The following SLIT1 variants were observed in gnomAD, a reference collection of about 807,000 sequenced individuals.
The protein encoded by SLIT1 is slit guidance ligand 1, also known as slit homolog 1 protein.
Under a neutral mutation model 186.1 loss-of-function variants are expected in SLIT1, and 66 were observed. The ratio of observed to expected loss-of-function variants is 0.35; its 90% confidence interval spans 0.29 to 0.44. The LOEUF (loss-of-function observed/expected upper bound fraction) is 0.44, where lower values mean the gene tolerates loss of function less well. Among genes scored for constraint, SLIT1 ranks in the 20% least tolerant of loss-of-function variants. The probability of loss-of-function intolerance (pLI) is 1.00; values close to 1 mark genes in which losing one functional copy is unlikely to be tolerated. For missense variants in SLIT1, 1,638 were observed against 2,037.4 expected, an observed-to-expected ratio of 0.80 and a Z score of 3.77; for synonymous variants, 761 against 833.8, an observed-to-expected ratio of 0.91 and a Z score of 1.50.
At chr10:97,133,050 A>G (rs1849669212) in intron 4 of SLIT1, among the ~76,000 whole-genome samples, 1 of 152,226 alleles carries the variant, frequency 6.6e-6, no homozygotes, top group Non-Finnish European at 1.5e-5. Flanking sequence ...GAGCCTGGAA[A>G]TTGGGAAGTT....
chr10:97,015,061 T>A (rs2134595326), intron 28 of SLIT1, among the ~76,000 whole-genome samples: 1 of 152,080 alleles, frequency 6.6e-6, no homozygotes, highest in East Asian at 1.9e-4. Flanking sequence ...GCACCCAAGG[T>A]TTTCCAAGGG....
intron 3 of SLIT1, among the ~76,000 whole-genome samples, chr10:97,159,974 A>G (rs140182914): frequency 6.6e-6 from 1 of 152,280 alleles, no homozygotes; most frequent in African/African-American, 2.4e-5. Context: ...CCAAGAGGTA[A>G]GTGACTCGCC....
At chr10:97,125,866 C>G (rs1381826006) in intron 4 of SLIT1, among the ~76,000 whole-genome samples, 1 of 151,698 alleles carries the variant, frequency 6.6e-6, no homozygotes, top group Non-Finnish European at 1.5e-5. Flanking sequence ...ACAAAAAAAA[C>G]AAGAGTCTGA....
chr10:97,130,993 A>C (rs1357857739), intron 4 of SLIT1, among the ~76,000 whole-genome samples: 1 of 152,164 alleles, frequency 6.6e-6, no homozygotes, highest in Non-Finnish European at 1.5e-5. Flanking sequence ...GGCCACATGG[A>C]CATTCTCAAT....
chr10:97,046,985 ACT>A lies in SLIT1; in HGVS notation c.1709+4_1709+5del. 1 of 1,604,656 alleles carries A rather than the reference ACT, an allele frequency of 6.2e-7. No individual in the cohort carries two copies. The highest frequency in any genetic ancestry group is 8.5e-7 in the Non-Finnish European group (1 of 1,171,458). Reference sequence around the variant, plus strand: ...ACAGACACCTTCTCGCCAATGGGTAACTCACATTTTCTTCAGATGTGTAAGTT... The same window carrying A: ...ACAGACACCTTCTCGCCAATGGGTAACACATTTTCTTCAGATGTGTAAGTT... On this transcript the variant is annotated splice_donor_5th_base_variant and intron_variant, in intron 17 of 36. Coordinates refer to ENST00000266058, the MANE Select transcript of SLIT1 (RefSeq NM_003061.3).
chr10:97,066,076 C>A lies in SLIT1; in HGVS notation c.424G>T (p.Glu142Ter). The A allele has an allele frequency of 6.2e-7, 1 of 1,603,138 alleles. No individual in the cohort carries two copies. Among genetic ancestry groups the A allele is most frequent in the African/African-American group, 1.3e-5 (1 of 74,990 alleles). ...NQALSRLDLSENAIQAIPRKA... is the reference protein window; with the variant it reads ...NQALSRLDLS ...CTGGGGATGGCCTGGATGGCGTTCTCACTCAAGTCCCTGGGAGGATAAAGC... is the reference window on the plus strand; with the variant it reads ...CTGGGGATGGCCTGGATGGCGTTCTAACTCAAGTCCCTGGGAGGATAAAGC... The change falls in exon 5 of 37, where the codon GAG becomes TAG. Residue 142 changes from glutamate (E) to a stop codon, truncating the protein, a stop_gained. Coordinates refer to ENST00000266058, the MANE Select transcript of SLIT1 (RefSeq NM_003061.3). LOFTEE classifies it high-confidence loss of function.
rs992376259 is a variant in SLIT1 at position 97,184,303 on chromosome 10, C to T, written c.197+1175G>A. Reference sequence around the variant, plus strand: ...CTTTCCTGAGAGCCACTGCAGTCACCGAGGAGTGTGGGAAGGAGGAGTAGG... The same window carrying T: ...CTTTCCTGAGAGCCACTGCAGTCACTGAGGAGTGTGGGAAGGAGGAGTAGG... On this transcript the variant is annotated intron_variant, in intron 1 of 36. Transcript: ENST00000266058. The surrounding 1 kb of genome is among the most constrained non-coding windows in gnomAD (Gnocchi z 4.4). Among the ~76,000 whole-genome samples, 12 of 152,170 alleles carry T rather than the reference C, an allele frequency of 7.9e-5. No individual in the cohort carries two copies. The South Asian group carries it at 2.1e-3, about 26-fold the overall frequency.
At chr10:97,100,363 C>T (rs1644953425) in intron 4 of SLIT1, among the ~76,000 whole-genome samples, 4 of 152,120 alleles carry the variant, frequency 2.6e-5, no homozygotes, top group African/African-American at 9.7e-5. Context: ...GTGGCTCATG[C>T]CTGTAATCTC....
At chr10:97,079,727 G>C (rs1315213731) in intron 4 of SLIT1, among the ~76,000 whole-genome samples, 2 of 152,210 alleles carry the variant, frequency 1.3e-5, no homozygotes, top group African/African-American at 4.8e-5. Context: ...GGCGGAAATG[G>C]GAAAATGGGC....
intron 4 of SLIT1, among the ~76,000 whole-genome samples, chr10:97,099,760 C>T (rs943378228): frequency 2.0e-5 from 3 of 152,320 alleles, no homozygotes; most frequent in South Asian, 2.1e-4. Context: ...GGTACCTTCT[C>T]GCCCAGGGGA....
At chr10:97,129,994 G>A (rs1396599282) in intron 4 of SLIT1, among the ~76,000 whole-genome samples, 1 of 152,186 alleles carries the variant, frequency 6.6e-6, no homozygotes, top group Non-Finnish European at 1.5e-5. Flanking sequence ...CTCAAAGTGG[G>A]TGAAGGCAAA....
At chr10:97,008,696 C>CAAAAAAAAA (rs200303813) in intron 31 of SLIT1, among the ~76,000 whole-genome samples, 1 of 96,564 alleles carries the variant, frequency 1.0e-5, no homozygotes, top group African/African-American at 3.4e-5. Context: ...AACTCTGTCT[C>CAAAAAAAAA]AAAAAAAAAA....
chr10:97,176,045 G>A (rs1850251948), intron 1 of SLIT1, among the ~76,000 whole-genome samples: 1 of 152,202 alleles, frequency 6.6e-6, no homozygotes, highest in South Asian at 2.1e-4. Context: ...AGTGAATGAA[G>A]TCAGGCCTCA....
At position 97,002,759 on chromosome 10, in the gene SLIT1, C is replaced by A; in HGVS notation, c.4099G>T (p.Gly1367Cys). 6.2e-7 allele frequency: 1 copy of A among 1,610,754 alleles called. No individual in the cohort carries two copies. Among genetic ancestry groups the A allele is most frequent in the Non-Finnish European group, 8.5e-7 (1 of 1,177,782 alleles). ...TPGPMCHCEA[G>C]WVGLHCDQPA... ...TGGTCACAGTGCAGGCCCACCCAGC[C>A]AGCCTCGCAGTGGCACATGGGCCCT... The change falls in exon 35 of 37, where the codon GGC (glycine) becomes TGC (cysteine). Residue 1367 changes from glycine to cysteine, a missense_variant. Physicochemically the swap from Gly to Cys is radical, Grantham distance 159 (BLOSUM62 -3). Coordinates refer to ENST00000266058, the MANE Select transcript of SLIT1 (RefSeq NM_003061.3).
chr10:97,122,598 G>A (rs1849569243), intron 4 of SLIT1, among the ~76,000 whole-genome samples: 1 of 152,188 alleles, frequency 6.6e-6, no homozygotes, highest in Non-Finnish European at 1.5e-5. Flanking sequence ...ATGTGCATCT[G>A]TCCAGGGAGG....
At chr10:97,180,424 C>T (rs1340732155) in intron 1 of SLIT1, among the ~76,000 whole-genome samples, 1 of 152,242 alleles carries the variant, frequency 6.6e-6, no homozygotes. Flanking sequence ...CTTATCCCAG[C>T]TTGCAGTTAT....
intron 4 of SLIT1, among the ~76,000 whole-genome samples, chr10:97,113,744 G>T (rs993787420): frequency 6.6e-6 from 1 of 151,662 alleles, no homozygotes; most frequent in Non-Finnish European, 1.5e-5. Context: ...TAGAGACAGG[G>T]TTTCTCCATG....
At chr10:97,165,854 G>A (rs1589418717) in intron 1 of SLIT1, among the ~76,000 whole-genome samples, 2 of 151,956 alleles carry the variant, frequency 1.3e-5, no homozygotes, top group Non-Finnish European at 2.9e-5. Flanking sequence ...TCCTTCCAAG[G>A]CCACCTTGGA....
chr10:97,059,788 C>T (rs1471720939), intron 10 of SLIT1, among the ~76,000 whole-genome samples: 1 of 152,184 alleles, frequency 6.6e-6, no homozygotes, highest in Non-Finnish European at 1.5e-5. Context: ...CTGGCAGTCT[C>T]CTAGCCCCCT....
Sources: allele counts gnomAD v4.1 joint callset (sites outside exome capture counted in the v4.1 genomes callset), GRCh38; gene constraint gnomAD v4.1.1; non-coding constraint Gnocchi (gnomAD v3.1); transcripts MANE v1.5; gene names NCBI Gene and HGNC (gene_info 2026-07-23, HGNC 2026-07-21).